The following PTPN14 variants were observed in gnomAD, a reference collection of about 807,000 sequenced individuals.
The protein encoded by PTPN14 is tyrosine-protein phosphatase non-receptor type 14.
PTPN14 carries 53 observed loss-of-function variants against 126.8 expected under a neutral mutation model. The ratio of observed to expected loss-of-function variants is 0.42; its 90% CI spans 0.34 to 0.53. The LOEUF (loss-of-function observed/expected upper bound fraction) is 0.53, where lower values mean the gene tolerates loss of function less well. Among genes scored for constraint, PTPN14 ranks in the 20% least tolerant of loss-of-function variants. PTPN14 has a pLI of 0.08. For synonymous variants in PTPN14, 630 were observed against 599.3 expected (o/e 1.05, Z -0.75); for missense variants, 1,257 against 1,552.9 (o/e 0.81, Z 3.20).
Position 214,401,766 on chromosome 1 carries a change from G to A in PTPN14, c.588C>T (p.Ile196=). The A allele has an allele frequency of 1.3e-6, 2 of 1,580,704 alleles. No homozygotes were observed. Among genetic ancestry groups the A allele is most frequent in the Middle Eastern group, 1.7e-4 (1 of 5,998 alleles). Reference sequence around the variant, plus strand: ...ACATCAGTTCAGCTTCTGCTGGCAGGATTCCACTAAAATCAAAATAGCATC... The same window carrying A: ...ACATCAGTTCAGCTTCTGCTGGCAGAATTCCACTAAAATCAAAATAGCATC... The part of the protein sequence containing the change: ...VAQEHKAHSG[I]LPAEAELMYI... The change falls in exon 7 of 19, where the codon ATC becomes ATT. Residue 196 remains isoleucine (I), a synonymous_variant. Transcript: ENST00000366956.
At chr1:214,435,979 A>G (rs1347965394) in intron 3 of PTPN14, among the ~76,000 whole-genome samples, 1 of 152,248 alleles carries the variant, frequency 6.6e-6, no homozygotes, top group Non-Finnish European at 1.5e-5. Context: ...AATAGCAAAG[A>G]CATGGAATCA....
chr1:214,384,030 A>G lies in PTPN14; in HGVS notation c.1825T>C (p.Phe609Leu), dbSNP rs1262323276. 1.5e-5 allele frequency: 24 copies of G among 1,598,526 alleles called. No homozygotes were observed. Among genetic ancestry groups the G allele is most frequent in the African/African-American group, 2.7e-5 (2 of 74,638 alleles). Residue 609 changes from phenylalanine to leucine, a missense_variant, in exon 13 of 19, where the codon TTC (phenylalanine) becomes CTC (leucine). By Grantham distance (22) the Phe-to-Leu change is conservative (BLOSUM62 0). Transcript: ENST00000366956. This position sits in a 1 kb window ranked among gnomAD's most constrained non-coding sequence, Gnocchi z 5.3. ...ACCACCGGAGAGCTGTCCTCTTGGA[A>G]GGTCTTCACCGAGAGCTGCACCTTC... ...TRKVQLSVKT[F>L]QEDSSPVVHQ...
chr1:214,495,278 G>C (rs994641120), intron 1 of PTPN14, among the ~76,000 whole-genome samples: 2 of 152,182 alleles, frequency 1.3e-5, no homozygotes, highest in African/African-American at 4.8e-5. Flanking sequence ...CACGGCGTCA[G>C]TGAAAAGATT....
intron 2 of PTPN14, among the ~76,000 whole-genome samples, chr1:214,455,927 C>G (rs1660371455): frequency 6.6e-6 from 1 of 152,080 alleles, no homozygotes; most frequent in East Asian, 1.9e-4. Context: ...ACTCTCCGTA[C>G]CTTTTGCTCA....
intron 17 of PTPN14, among the ~76,000 whole-genome samples, chr1:214,368,016 A>G (rs1009794802): frequency 6.6e-6 from 1 of 152,188 alleles, no homozygotes; most frequent in Non-Finnish European, 1.5e-5. Flanking sequence ...CACAGAAATT[A>G]ATGAATTAGC....
At chr1:214,440,131 TC>T (rs1660006864) in intron 3 of PTPN14, among the ~76,000 whole-genome samples, 1 of 152,194 alleles carries the variant, frequency 6.6e-6, no homozygotes, top group Non-Finnish European at 1.5e-5. Flanking sequence ...CTAAAACCAT[TC>T]CAGAACCACC....
chr1:214,471,039 AC>A (rs543259410), intron 1 of PTPN14, among the ~76,000 whole-genome samples: 13 of 136,386 alleles, frequency 9.5e-5, no homozygotes, highest in Admixed American at 2.2e-4. Flanking sequence ...AAAAAAAAAA[AC>A]AAAACAAAAA....
intron 3 of PTPN14, among the ~76,000 whole-genome samples, chr1:214,433,587 C>T (rs1659840967): frequency 6.6e-6 from 1 of 151,930 alleles, no homozygotes; most frequent in Non-Finnish European, 1.5e-5. Flanking sequence ...GTCATCACCA[C>T]TCTGAGGACA....
chr1:214,365,756 A>G (rs1365473869), intron 17 of PTPN14, among the ~76,000 whole-genome samples: 1 of 152,212 alleles, frequency 6.6e-6, no homozygotes, highest in Non-Finnish European at 1.5e-5. Context: ...AAAAAACCAA[A>G]CTATTATTAT....
At chr1:214,538,467 G>C (rs1223676516) in intron 1 of PTPN14, among the ~76,000 whole-genome samples, 1 of 152,158 alleles carries the variant, frequency 6.6e-6, no homozygotes, top group Admixed American at 6.5e-5. Flanking sequence ...TATACATAAA[G>C]CTCTGCTGTA....
At chr1:214,533,840 A>C (rs1267987194) in intron 1 of PTPN14, among the ~76,000 whole-genome samples, 1 of 150,834 alleles carries the variant, frequency 6.6e-6, no homozygotes, top group Non-Finnish European at 1.5e-5. Flanking sequence ...CCGTCTCAAA[A>C]AACAAAAAAA....
At chr1:214,366,299 G>C (rs901242783) in intron 17 of PTPN14, among the ~76,000 whole-genome samples, 2 of 152,154 alleles carry the variant, frequency 1.3e-5, no homozygotes, top group Non-Finnish European at 2.9e-5. Flanking sequence ...TTCTGCGAGG[G>C]GGAAAAGACA....
At chr1:214,465,951 CTTTTTTTT>C (rs71165974) in intron 1 of PTPN14, among the ~76,000 whole-genome samples, 2 of 59,024 alleles carry the variant, frequency 3.4e-5, no homozygotes, top group South Asian at 8.2e-4. Flanking sequence ...CAGTTACTTC[CTTTTTTTT>C]TTTTTTTTTT....
At chr1:214,486,386 T>C (rs1486735194) in intron 1 of PTPN14, among the ~76,000 whole-genome samples, 4 of 152,210 alleles carry the variant, frequency 2.6e-5, no homozygotes, top group African/African-American at 9.6e-5. Context: ...TTAGGCTACA[T>C]GGTCTCCCAT....
chr1:214,408,758 A>G (rs79965295), intron 5 of PTPN14, among the ~76,000 whole-genome samples: 2,595 of 152,282 alleles, frequency 0.017, 81 homozygotes, highest in African/African-American at 0.059. Flanking sequence ...CTCTCTGGGA[A>G]GTAATATTTG....
intron 11 of PTPN14, among the ~76,000 whole-genome samples, chr1:214,390,371 TCAAA>T (rs896532916): frequency 7.9e-5 from 12 of 152,168 alleles, no homozygotes; most frequent in South Asian, 2.1e-4. Flanking sequence ...GAGAGCAGCT[TCAAA>T]CAAACAAACA....
chr1:214,429,631 C>A (rs1659751599), intron 3 of PTPN14, among the ~76,000 whole-genome samples: 1 of 151,904 alleles, frequency 6.6e-6, no homozygotes, highest in African/African-American at 2.4e-5. Flanking sequence ...TTTTTTTATC[C>A]CCCAAATGGT....
At chr1:214,521,702 C>T (rs1338319038) in intron 1 of PTPN14, among the ~76,000 whole-genome samples, 1 of 150,048 alleles carries the variant, frequency 6.7e-6, no homozygotes, top group Non-Finnish European at 1.5e-5. Context: ...GCAACAAGAG[C>T]GAAGCTCCAT....
chr1:214,518,314 AG>A lies in PTPN14; in HGVS notation c.-155+32868del, dbSNP rs1655159029. ...CTCTCTATTCGCCACTACTAATAAAAGAAACTCCCTAACCAGATTCAGAAAC... is the reference window on the plus strand; with the variant it reads ...CTCTCTATTCGCCACTACTAATAAAAAAACTCCCTAACCAGATTCAGAAAC... On this transcript the variant is annotated intron_variant, in intron 1 of 18. Coordinates refer to ENST00000366956, the MANE Select transcript of PTPN14 (RefSeq NM_005401.5). Among the ~76,000 whole-genome samples, 4 of 152,358 alleles carry A rather than the reference AG, an allele frequency of 2.6e-5. No homozygotes were observed. The South Asian group carries it at 8.3e-4, about 32-fold the overall frequency.
Sources: allele counts gnomAD v4.1 joint callset (sites outside exome capture counted in the v4.1 genomes callset), GRCh38; gene constraint gnomAD v4.1.1; non-coding constraint Gnocchi (gnomAD v3.1); transcripts MANE v1.5; gene names NCBI Gene and HGNC (gene_info 2026-07-23, HGNC 2026-07-21).